ZNF439: variants seen among roughly 807,000 people sequenced by gnomAD.
ZNF439 encodes the protein zinc finger protein 439.
A neutral mutation model predicts 47.3 loss-of-function variants in ZNF439; 40 were observed. The observed-to-expected ratio is 0.85, with a 90% CI of 0.66 to 1.10. ZNF439 has a LOEUF of 1.10. Among genes scored for constraint, ZNF439 ranks in the 50% least tolerant of loss-of-function variants. ZNF439 has a pLI of 0.00. For missense variants in ZNF439, 556 were observed against 601.1 expected (o/e 0.93, Z 0.78); for synonymous variants, 171 against 198.8 (o/e 0.86, Z 1.18).
intron 1 of ZNF439, among the ~76,000 whole-genome samples, chr19:11,860,690 G>T (rs1976516456): frequency 6.6e-6 from 1 of 152,182 alleles, no homozygotes; most frequent in Non-Finnish European, 1.5e-5. Context: ...TGAGCTTCTA[G>T]TGCCCTTCGT....
intron 2 of ZNF439, 55 bp downstream of exon 2, chr19:11,866,386 T>A: frequency 6.2e-7 from 1 of 1,610,928 alleles, no homozygotes; most frequent in Non-Finnish European, 8.5e-7. Flanking sequence ...TGTTTCTAGC[T>A]CACCAATGCT....
intron 1 of ZNF439, 148 bp downstream of exon 1, chr19:11,849,078 G>T: frequency 8.2e-7 from 1 of 1,215,558 alleles, no homozygotes; most frequent in Non-Finnish European, 1.0e-6. Flanking sequence ...CTGGATGTGG[G>T]TGGGCCGGCA....
chr19:11,866,687 G>A, intron 3 of ZNF439, 90 bp downstream of exon 3: 2 of 1,348,028 alleles, frequency 1.5e-6, no homozygotes, highest in Non-Finnish European at 2.1e-6. Context: ...AAAGAACTAA[G>A]TCCAGGATCA....
intron 1 of ZNF439, among the ~76,000 whole-genome samples, chr19:11,860,307 C>A (rs1289945096): frequency 6.6e-6 from 1 of 152,144 alleles, no homozygotes; most frequent in Admixed American, 6.5e-5. Flanking sequence ...GTCTCTTGCT[C>A]CTCAATAGAC....
chr19:11,863,891 T>C (rs905310364), intron 1 of ZNF439, among the ~76,000 whole-genome samples: 1 of 152,222 alleles, frequency 6.6e-6, no homozygotes, highest in African/African-American at 2.4e-5. Flanking sequence ...CCATGTCTAA[T>C]TATTTATTTT....
At chr19:11,862,683 A>C (rs1383047444) in intron 1 of ZNF439, among the ~76,000 whole-genome samples, 2 of 152,050 alleles carry the variant, frequency 1.3e-5, no homozygotes, top group African/African-American at 4.8e-5. Flanking sequence ...TGGAAGTATC[A>C]GTGTTTTGGA....
At chr19:11,851,633 A>G (rs996030705) in intron 1 of ZNF439, among the ~76,000 whole-genome samples, 1 of 151,714 alleles carries the variant, frequency 6.6e-6, no homozygotes, top group African/African-American at 2.4e-5. Context: ...TTTTCCATAG[A>G]AGGCTGATGT....
At chr19:11,861,435 T>C (rs1005983976) in intron 1 of ZNF439, among the ~76,000 whole-genome samples, 1 of 152,100 alleles carries the variant, frequency 6.6e-6, no homozygotes, top group African/African-American at 2.4e-5. Flanking sequence ...CTAGTGGGTA[T>C]CAGTGCCTAG....
At chr19:11,856,468 C>T (rs1193083729) in intron 1 of ZNF439, 1 of 152,198 alleles carries the variant, frequency 6.6e-6, no homozygotes, top group East Asian at 1.9e-4. Flanking sequence ...AATGTCACCG[C>T]ACATGAGCAG....
At chr19:11,863,554 C>A (rs1259216444) in intron 1 of ZNF439, among the ~76,000 whole-genome samples, 2 of 152,130 alleles carry the variant, frequency 1.3e-5, no homozygotes, top group African/African-American at 4.8e-5. Context: ...AGGTGTCCTG[C>A]AAATATTGTG....
chr19:11,868,965 C>A lies in ZNF439; in HGVS notation c.*396C>A. The A allele has an allele frequency of 3.2e-6, 1 of 308,068 alleles. No individual in the cohort carries two copies. The highest frequency in any genetic ancestry group is 3.9e-5 in the Admixed American group (1 of 25,580). 19.1% of individuals were successfully genotyped at this position (308,068 alleles called of 1,614,324 possible). ...ATCGTTTGAATACATGCAAAACACACACTGGAGAGAAACCTATGAATGTAA... is the reference window on the plus strand; with the variant it reads ...ATCGTTTGAATACATGCAAAACACAAACTGGAGAGAAACCTATGAATGTAA... On this transcript the variant is annotated 3_prime_UTR_variant, in exon 4 of 4. Coordinates refer to ENST00000682736, the MANE Select transcript of ZNF439 (RefSeq NM_001348719.2).
At chr19:11,849,407 A>G in intron 1 of ZNF439, 1 of 609,078 alleles carries the variant, frequency 1.6e-6, no homozygotes, top group Non-Finnish European at 2.1e-6. Flanking sequence ...AAAAAAACAG[A>G]CTATGTAAAA....
rs144396434 is a variant in ZNF439, at chr19:11,862,101, T to A, written c.64-4104T>A. Among the ~76,000 whole-genome samples the A allele has an allele frequency of 1.6e-3, 251 of 152,260 alleles. 2 individuals are homozygous for A. Among genetic ancestry groups the A allele is most frequent in the African/African-American group, 5.8e-3 (240 of 41,552 alleles). On this transcript the variant is annotated intron_variant, in intron 1 of 3. Coordinates refer to ENST00000682736, the MANE Select transcript of ZNF439 (RefSeq NM_001348719.2). Reference sequence around the variant, plus strand: ...TATTTTTATTTATTTATCTAAAAAATTTTTTTGTTTTGTTAGAGACAGGGT... The same window carrying A: ...TATTTTTATTTATTTATCTAAAAAAATTTTTTGTTTTGTTAGAGACAGGGT...
At position 11,868,474 on chromosome 19, in the gene ZNF439, A is replaced by G. The variant is rs775884125; in HGVS notation, c.1420A>G (p.Lys474Glu). Residue 474 changes from lysine (K) to glutamate (E), a missense_variant, in exon 4 of 4, where the codon AAG (lysine) becomes GAG (glutamate). Transcript: ENST00000682736. ...CACTGGAGAGAAACCCTATGAATGTAAGAAATGTGGGAAAGCCTTCAGATA... is the reference window on the plus strand; with the variant it reads ...CACTGGAGAGAAACCCTATGAATGTGAGAAATGTGGGAAAGCCTTCAGATA... ...IHTGEKPYEC[K>E]KCGKAFRYVQ... is the part of the protein sequence containing the mutation. 1.9e-6 allele frequency: 3 copies of G among 1,613,894 alleles called. No individual in the cohort carries two copies. In the South Asian group the frequency reaches 3.3e-5, roughly 18 times the overall value.
intron 1 of ZNF439, among the ~76,000 whole-genome samples, chr19:11,860,516 G>T (rs1049227258): frequency 1.3e-5 from 2 of 152,170 alleles, no homozygotes; most frequent in African/African-American, 4.8e-5. Flanking sequence ...GCTCCAGCAA[G>T]CTTTCTTCGT....
chr19:11,867,588 G>T lies in ZNF439; in HGVS notation c.534G>T (p.Leu178Phe), dbSNP rs532377387. Reference protein sequence around the residue: ...PKKAFRYHPSLRTQERDHTGK... With the variant: ...PKKAFRYHPSFRTQERDHTGK... ...AAGCCTTCAGATATCACCCCTCCTT[G>T]AGAACACAAGAAAGGGATCACACTG... Residue 178 changes from leucine (L) to phenylalanine (F), a missense_variant, in exon 4 of 4, where the codon TTG becomes TTT. Leu to Phe is a conservative substitution (Grantham distance 22). Transcript: ENST00000682736. 36 of 1,614,096 alleles carry T rather than the reference G, an allele frequency of 2.2e-5. 1 individual carries two copies. Among genetic ancestry groups the T allele is most frequent in the Admixed American group, 5.0e-5 (3 of 60,018 alleles).
At chr19:11,858,755 G>A (rs1277156170) in intron 1 of ZNF439, among the ~76,000 whole-genome samples, 1 of 152,112 alleles carries the variant, frequency 6.6e-6, no homozygotes, top group East Asian at 1.9e-4. Context: ...CACCCACACA[G>A]GTTTGTCACT....
Position 11,868,470 on chromosome 19 carries a change from A to G in ZNF439, c.1416A>G (p.Glu472=). The part of the protein sequence containing the change: ...RRIHTGEKPY[E]CKKCGKAFRY... The stretch of plus-strand genomic sequence containing the variant: ...TTCACACTGGAGAGAAACCCTATGA[A>G]TGTAAGAAATGTGGGAAAGCCTTCA... Residue 472 remains glutamate, a synonymous_variant, in exon 4 of 4, where the codon GAA becomes GAG. Transcript: ENST00000682736. 1 of 1,613,714 alleles carries G rather than the reference A, an allele frequency of 6.2e-7. No homozygotes were observed. Among genetic ancestry groups the G allele is most frequent in the Non-Finnish European group, 8.5e-7 (1 of 1,179,870 alleles).
Position 11,868,044 on chromosome 19 carries a change from T to C in ZNF439, c.990T>C (p.Leu330=), listed in dbSNP as rs1976751203. The C allele has an allele frequency of 2.5e-6, 4 of 1,614,088 alleles. No homozygotes were observed. The highest frequency in any genetic ancestry group is 3.4e-6 in the Non-Finnish European group (4 of 1,180,004). ...AAAGGACCCACTCTAGGAAAAAACT[T>C]TATGAATGTAAGCAGTGTGGGAAAG... ...RHERTHSRKK[L]YECKQCGKAL... The change falls in exon 4 of 4, where the codon CTT becomes CTC. Residue 330 remains leucine (L), a synonymous_variant. Transcript: ENST00000682736.
Sources: allele counts gnomAD v4.1 joint callset (sites outside exome capture counted in the v4.1 genomes callset), GRCh38; gene constraint gnomAD v4.1.1; transcripts MANE v1.5; gene names NCBI Gene and HGNC (gene_info 2026-07-23, HGNC 2026-07-21).